CCL17: variants seen among roughly 807,000 people sequenced by gnomAD.
The protein encoded by CCL17 is C-C motif chemokine ligand 17.
CCL17 carries 8 observed loss-of-function variants against 7.4 expected under a neutral mutation model. That is an observed-to-expected ratio of 1.09 (90% CI 0.64 to 1.96). The LOEUF (loss-of-function observed/expected upper bound fraction) is 1.96, where lower values mean the gene tolerates loss of function less well. CCL17 is among the 30% of genes most tolerant of loss of function. The pLI, the probability that CCL17 is intolerant of heterozygous loss-of-function variation, is 0.00. For synonymous variants in CCL17, 40 were observed against 46.1 expected (o/e 0.87, Z 0.54); for missense variants, 102 against 113.0 (o/e 0.90, Z 0.44).
rs1902846527 is a variant in CCL17, at chr16:57,415,029, A to C, written c.71-52A>C. The C allele has an allele frequency of 1.6e-6, 2 of 1,230,900 alleles. No homozygotes were observed. Among genetic ancestry groups the C allele is most frequent in the Middle Eastern group, 1.9e-4 (1 of 5,358 alleles). 76.2% of individuals were successfully genotyped at this position (1,230,900 alleles called of 1,614,324 possible). ...ACGAACACCCCCCAGAGGTCCCCGC[A>C]ACACACACGCAGACACTCACAGACA... On this transcript the variant is annotated intron_variant, in intron 2 of 3. Transcript: ENST00000219244. The surrounding 1 kb of genome is among the most constrained non-coding windows in gnomAD (Gnocchi z 4.5).
At chr16:57,408,735 ATT>A (rs5817098) in intron 1 of CCL17, among the ~76,000 whole-genome samples, 53 of 148,954 alleles carry the variant, frequency 3.6e-4, no homozygotes, top group African/African-American at 7.9e-4. Context: ...CACCCAGCTA[ATT>A]TTTTTTTTTT....
chr16:57,413,822 CA>C, intron 1 of CCL17, 51 bp from the exon 2 acceptor site: 2 of 816,312 alleles, frequency 2.5e-6, no homozygotes, highest in Non-Finnish European at 1.9e-6. Context: ...AGGGGCGGGG[CA>C]AGACCCCCAA....
intron 1 of CCL17, among the ~76,000 whole-genome samples, chr16:57,413,005 C>G (rs1369748417): frequency 1.3e-5 from 2 of 152,234 alleles, no homozygotes; most frequent in Non-Finnish European, 2.9e-5. Flanking sequence ...ATGCCATGAG[C>G]TGGGGTGCCT....
chr16:57,408,517 T>C (rs1567562669), intron 1 of CCL17, among the ~76,000 whole-genome samples: 1 of 152,076 alleles, frequency 6.6e-6, no homozygotes, highest in East Asian at 1.9e-4. Context: ...ATGTAGGTGA[T>C]CCTCCCTACT....
At position 57,415,154 on chromosome 16, in the gene CCL17, G is replaced by A. The variant is rs528232309; in HGVS notation, c.144G>A (p.Lys48=). Residue 48 remains lysine (K), a synonymous_variant, in exon 3 of 4, where the codon AAG becomes AAA. Coordinates refer to ENST00000219244, the MANE Select transcript of CCL17 (RefSeq NM_002987.3). The surrounding 1 kb of genome is among the most constrained non-coding windows in gnomAD (Gnocchi z 4.5). Reference sequence around the variant, plus strand: ...GAGCCATTCCCCTTAGAAAGCTGAAGACGTGGTACCAGACATCTGAGGACT... The same window carrying A: ...GAGCCATTCCCCTTAGAAAGCTGAAAACGTGGTACCAGACATCTGAGGACT... ...FKGAIPLRKL[K]TWYQTSEDCS... 962 of 1,614,002 alleles carry A rather than the reference G, an allele frequency of 6.0e-4. 23 individuals are homozygous for A. In the South Asian group the frequency reaches 0.01, roughly 17 times the overall value.
rs1902727423 is a variant in CCL17, at chr16:57,408,162, T to G, written c.-60+3326T>G. Reference sequence around the variant, plus strand: ...ACCCATCCATCTATCTATTTATCCTTTCACCATCCATCCACCAATCCATCT... The same window carrying G: ...ACCCATCCATCTATCTATTTATCCTGTCACCATCCATCCACCAATCCATCT... On this transcript the variant is annotated intron_variant, in intron 1 of 3. Coordinates refer to ENST00000219244, the MANE Select transcript of CCL17 (RefSeq NM_002987.3). Among the ~76,000 whole-genome samples the G allele has an allele frequency of 5.3e-5, 8 of 151,650 alleles. No individual in the cohort carries two copies. The South Asian group carries it at 1.7e-3, about 32-fold the overall frequency.
At chr16:57,401,844 C>T (rs914654637), upstream of CCL17, among the ~76,000 whole-genome samples, 3 of 152,140 alleles carry the variant, frequency 2.0e-5, no homozygotes, top group African/African-American at 4.8e-5. Flanking sequence ...CTGAAGCTGC[C>T]CCCCGGGGAC....
chr16:57,411,614 G>A (rs945423292), intron 1 of CCL17, among the ~76,000 whole-genome samples: 1 of 152,214 alleles, frequency 6.6e-6, no homozygotes, highest in Non-Finnish European at 1.5e-5. Flanking sequence ...AGCAATTGGT[G>A]GCCTCTGCGG....
upstream of CCL17, among the ~76,000 whole-genome samples, chr16:57,402,600 T>C (rs1367689232): frequency 3.3e-5 from 5 of 152,190 alleles, no homozygotes; most frequent in Non-Finnish European, 7.3e-5. Context: ...GACCTGCCTT[T>C]GAAGTAGCTT....
At chr16:57,403,469 T>A (rs12930937), upstream of CCL17, among the ~76,000 whole-genome samples, 3,701 of 6,824 alleles carry the variant, frequency 0.54, 949 homozygotes, top group East Asian at 0.74. Context: ...ATATATTATA[T>A]TATATATATT....
upstream of CCL17, among the ~76,000 whole-genome samples, chr16:57,403,164 A>G (rs1482612906): frequency 3.8e-5 from 3 of 79,806 alleles, no homozygotes; most frequent in African/African-American, 5.4e-5. Flanking sequence ...TATAATATAT[A>G]TTATTATCTA....
At chr16:57,410,747 A>T (rs987994944) in intron 1 of CCL17, among the ~76,000 whole-genome samples, 14 of 152,104 alleles carry the variant, frequency 9.2e-5, no homozygotes, top group African/African-American at 3.4e-4. Context: ...CACCTCAAAA[A>T]TGTCCCTGGT....
chr16:57,407,122 G>A (rs1483416369), intron 1 of CCL17, among the ~76,000 whole-genome samples: 1 of 152,208 alleles, frequency 6.6e-6, no homozygotes, highest in Non-Finnish European at 1.5e-5. Flanking sequence ...GCATGCGAGG[G>A]TGTTGAAGTC....
the CCL17 span, among the ~76,000 whole-genome samples, chr16:57,397,220 C>T: frequency 6.6e-6 from 1 of 152,214 alleles, no homozygotes; most frequent in African/African-American, 2.4e-5. Context: ...ACATCACAGG[C>T]TTTGACTACT....
the CCL17 span, among the ~76,000 whole-genome samples, chr16:57,396,725 G>A: frequency 2.0e-4 from 31 of 152,176 alleles, no homozygotes; most frequent in Non-Finnish European, 3.4e-4. Context: ...GGAGCTGTTT[G>A]GGTGAGTCGG....
At chr16:57,412,914 C>A (rs1199150698) in intron 1 of CCL17, among the ~76,000 whole-genome samples, 2 of 152,154 alleles carry the variant, frequency 1.3e-5, no homozygotes, top group Non-Finnish European at 2.9e-5. Context: ...GCCAGTTCAC[C>A]AACTTTATCA....
rs770764790 is a variant in CCL17 at position 57,414,014 on chromosome 16, G to C, written c.70+12G>C. Reference sequence around the variant, plus strand: ...GCACATCCACGCAGGTGAGAGCAGGGGACAGGTGGCCAGGGGCAGGCACCG... The same window carrying C: ...GCACATCCACGCAGGTGAGAGCAGGCGACAGGTGGCCAGGGGCAGGCACCG... On this transcript the variant is annotated intron_variant, in intron 2 of 3. Transcript: ENST00000219244. 1.9e-6 allele frequency: 3 copies of C among 1,608,332 alleles called. No individual in the cohort carries two copies. Among genetic ancestry groups the C allele is most frequent in the Non-Finnish European group, 8.5e-7 (1 of 1,177,174 alleles).
At chr16:57,410,993 C>A (rs576864064) in intron 1 of CCL17, among the ~76,000 whole-genome samples, 8 of 152,308 alleles carry the variant, frequency 5.3e-5, no homozygotes, top group African/African-American at 1.9e-4. Flanking sequence ...GGGTTTCATG[C>A]TGTTGCCCTA....
intron 1 of CCL17, among the ~76,000 whole-genome samples, chr16:57,409,257 A>G (rs1288963124): frequency 1.3e-5 from 2 of 152,194 alleles, no homozygotes; most frequent in Non-Finnish European, 2.9e-5. Context: ...AGGAAGTGAG[A>G]CGGGGGAACA....
Sources: allele counts gnomAD v4.1 joint callset (sites outside exome capture counted in the v4.1 genomes callset), GRCh38; gene constraint gnomAD v4.1.1; non-coding constraint Gnocchi (gnomAD v3.1); transcripts MANE v1.5; gene names NCBI Gene and HGNC (gene_info 2026-07-23, HGNC 2026-07-21).